GAN: variants seen among roughly 807,000 people sequenced by gnomAD.
The protein encoded by GAN is gigaxonin, also known as epididymis secretory sperm binding protein.
In GAN, 48 loss-of-function variants were observed where a neutral mutation model predicts 71.3. The ratio of observed to expected loss-of-function variants is 0.67; its 90% confidence interval spans 0.53 to 0.86. The LOEUF (loss-of-function observed/expected upper bound fraction) is 0.86. Among genes scored for constraint, GAN ranks in the 40% least tolerant of loss-of-function variants. The pLI is 0.00. For missense variants in GAN, 928 were observed against 770.1 expected (o/e 1.21, Z -2.43); for synonymous variants, 386 against 276.8 (o/e 1.39, Z -3.92).
chr16:81,345,250 G>C (rs1910079324), intron 1 of GAN, among the ~76,000 whole-genome samples: 1 of 152,094 alleles, frequency 6.6e-6, no homozygotes, highest in Non-Finnish European at 1.5e-5. Context: ...CCCATTACTG[G>C]GCGTATACCC....
intron 1 of GAN, among the ~76,000 whole-genome samples, chr16:81,333,574 T>A (rs1360818237): frequency 1.3e-5 from 2 of 152,212 alleles, no homozygotes; most frequent in Non-Finnish European, 2.9e-5. Flanking sequence ...AACATAATGC[T>A]AGAGGCTTAC....
At position 81,353,871 on chromosome 16, in the gene GAN, T is replaced by A. The variant is rs8051314; in HGVS notation, c.283-534T>A. Among the ~76,000 whole-genome samples the A allele has an allele frequency of 2.0e-5, 3 of 151,956 alleles. No homozygotes were observed. In the East Asian group the frequency reaches 5.8e-4, roughly 29 times the overall value. On this transcript the variant is annotated intron_variant, in intron 2 of 10. Transcript: ENST00000648994. Reference sequence around the variant, plus strand: ...TAAGTGTATCTGTCTGTGTACCAAATTGCACTGCGTACAGTGTTTTGGGAT... The same window carrying A: ...TAAGTGTATCTGTCTGTGTACCAAAATGCACTGCGTACAGTGTTTTGGGAT...
chr16:81,316,983 C>T (rs950676597), intron 1 of GAN, among the ~76,000 whole-genome samples: 4 of 152,248 alleles, frequency 2.6e-5, no homozygotes, highest in African/African-American at 9.6e-5. Flanking sequence ...CTCAGCCTCC[C>T]GAGTAGCTGG....
intron 1 of GAN, among the ~76,000 whole-genome samples, chr16:81,316,532 G>A (rs1909049354): frequency 1.3e-5 from 2 of 152,164 alleles, no homozygotes; most frequent in Admixed American, 6.5e-5. Context: ...AGCATCGTTA[G>A]TACAGAATTT....
intron 1 of GAN, among the ~76,000 whole-genome samples, chr16:81,345,124 A>T (rs1459535043): frequency 6.6e-6 from 1 of 152,176 alleles, no homozygotes; most frequent in Non-Finnish European, 1.5e-5. Flanking sequence ...AAGTTGTGGA[A>T]AAATAGGAAC....
intron 1 of GAN, among the ~76,000 whole-genome samples, chr16:81,351,212 T>C (rs1910289202): frequency 6.6e-6 from 1 of 152,184 alleles, no homozygotes; most frequent in Non-Finnish European, 1.5e-5. Context: ...AGCTTTTGTT[T>C]TGGATGGCAG....
In GAN at chr16:81,381,351, G is replaced by A. The variant is rs1194859276; in HGVS notation, c.*3755G>A. ...TTCATGATTCAAGAGGCCTCCCGTG[G>A]TCAGATGAAGACCTTTGGTTAAATG... On this transcript the variant is annotated 3_prime_UTR_variant, in exon 11 of 11. Transcript: ENST00000648994. The A allele has an allele frequency of 6.6e-6, 1 of 152,186 alleles. No homozygotes were observed. The highest frequency in any genetic ancestry group is 2.4e-5 in the African/African-American group (1 of 41,430). The allele number at this position is 152,186 out of a possible 1,614,324, so 9.4% of individuals were successfully genotyped here.
At chr16:81,341,214 C>G (rs564154636) in intron 1 of GAN, among the ~76,000 whole-genome samples, 1 of 152,128 alleles carries the variant, frequency 6.6e-6, no homozygotes, top group Non-Finnish European at 1.5e-5. Context: ...AGTTGGAAAA[C>G]ACTCTGCAGG....
intron 1 of GAN, among the ~76,000 whole-genome samples, chr16:81,330,253 G>A (rs148714359): frequency 1.5e-3 from 228 of 151,064 alleles, no homozygotes; most frequent in African/African-American, 5.1e-3. Context: ...GAATGTAATC[G>A]GATAATGTTT....
In GAN at chr16:81,385,266, C is replaced by T. The variant is rs372603237; in HGVS notation, c.*7670C>T. ...CTTAGCTCAGGACATGAGACATTTCCTGGAAGTGATTTCCATGAGAACAAA... is the reference window on the plus strand; with the variant it reads ...CTTAGCTCAGGACATGAGACATTTCTTGGAAGTGATTTCCATGAGAACAAA... On this transcript the variant is annotated 3_prime_UTR_variant, in exon 11 of 11. Transcript: ENST00000648994. 6.6e-5 allele frequency: 10 copies of T among 152,306 alleles called. No individual in the cohort carries two copies. In the East Asian group the frequency reaches 9.6e-4, roughly 15 times the overall value. The allele number at this position is 152,306 out of a possible 1,614,324, so 9.4% of individuals were successfully genotyped here. A position where few individuals can be genotyped will look rare whatever the true frequency, so the allele number is the denominator to read the frequency against.
chr16:81,364,771 C>T (rs540411066), intron 7 of GAN, among the ~76,000 whole-genome samples: 1 of 152,330 alleles, frequency 6.6e-6, no homozygotes, highest in South Asian at 2.1e-4. Context: ...AGCTCCTTTT[C>T]TGAAGATTAA....
intron 9 of GAN, among the ~76,000 whole-genome samples, chr16:81,376,214 C>T (rs1348586652): frequency 1.3e-5 from 2 of 151,812 alleles, no homozygotes; most frequent in Non-Finnish European, 2.9e-5. Flanking sequence ...AAACAATAAC[C>T]TTACCATATA....
At chr16:81,356,605 C>A (rs559158525) in intron 3 of GAN, among the ~76,000 whole-genome samples, 180 bp from the exon 4 acceptor site, 1 of 152,286 alleles carries the variant, frequency 6.6e-6, no homozygotes, top group East Asian at 1.9e-4. Flanking sequence ...TATCAAGACT[C>A]TGGGAAGTAG....
At chr16:81,319,352 T>C (rs1909152079) in intron 1 of GAN, among the ~76,000 whole-genome samples, 1 of 151,986 alleles carries the variant, frequency 6.6e-6, no homozygotes, top group Non-Finnish European at 1.5e-5. Context: ...AATTTATTTT[T>C]CTTTTGAATA....
At chr16:81,376,677 T>A (rs909418051) in intron 9 of GAN, among the ~76,000 whole-genome samples, 3 of 149,622 alleles carry the variant, frequency 2.0e-5, no homozygotes, top group African/African-American at 7.6e-5. Flanking sequence ...TATATACATA[T>A]GTGTATATGT....
intron 1 of GAN, among the ~76,000 whole-genome samples, chr16:81,327,568 C>G (rs1909430910): frequency 6.6e-6 from 1 of 150,670 alleles, no homozygotes; most frequent in African/African-American, 2.5e-5. Flanking sequence ...TAAATTCCTG[C>G]TTTCATTTTG....
At chr16:81,353,182 TC>T (rs1042613246) in intron 2 of GAN, among the ~76,000 whole-genome samples, 2 of 151,196 alleles carry the variant, frequency 1.3e-5, no homozygotes, top group Non-Finnish European at 2.9e-5. Flanking sequence ...TCCCGGCTAC[TC>T]GGGAGGCTGA....
chr16:81,376,845 C>G (rs1297462239), intron 9 of GAN, among the ~76,000 whole-genome samples: 1 of 151,938 alleles, frequency 6.6e-6, no homozygotes, highest in Non-Finnish European at 1.5e-5. Context: ...CCACTGCACT[C>G]GGGAGGCCCT....
intron 5 of GAN, among the ~76,000 whole-genome samples, chr16:81,361,572 T>A (rs1910673462): frequency 6.6e-6 from 1 of 152,246 alleles, no homozygotes; most frequent in South Asian, 2.1e-4. Context: ...AGGTTTAAAT[T>A]TTCCTAGATT....
Sources: allele counts gnomAD v4.1 joint callset (sites outside exome capture counted in the v4.1 genomes callset), GRCh38; gene constraint gnomAD v4.1.1; transcripts MANE v1.5; gene names NCBI Gene and HGNC (gene_info 2026-07-23, HGNC 2026-07-21).